The following CACNA1S variants were observed in gnomAD, a reference collection of about 807,000 sequenced individuals.
The protein encoded by CACNA1S is voltage-dependent L-type calcium channel subunit alpha-1S.
Under a neutral mutation model 207.4 loss-of-function variants are expected in CACNA1S, and 126 were observed. The observed-to-expected ratio is 0.61, with a 90% CI of 0.53 to 0.70. The LOEUF is 0.70. Ranked by LOEUF, CACNA1S falls within the 30% of genes least tolerant of loss-of-function variation. The probability of loss-of-function intolerance (pLI) is 0.00; values close to 1 mark genes in which losing one functional copy is unlikely to be tolerated. For missense variants in CACNA1S, 2,349 were observed against 2,422.8 expected (o/e 0.97, Z 0.64); for synonymous variants, 960 against 932.7 (o/e 1.03, Z -0.53).
Position 201,074,610 on chromosome 1 carries a change from G to A in CACNA1S, c.1959C>T (p.Leu653=), listed in dbSNP as rs1414491241. The part of the protein sequence containing the change: ...ILFVCGNYIL[L]NVFLAIAVDN... ...CCACGGCAATGGCCAGGAAGACATT[G>A]AGCAGGATGTCTGAGCGGGTTTAGC... The change falls in exon 14 of 44, where the codon CTC becomes CTT. Residue 653 remains leucine (L), a synonymous_variant. Transcript: ENST00000362061. The A allele has an allele frequency of 1.9e-6, 3 of 1,609,244 alleles. No homozygotes were observed. Among genetic ancestry groups the A allele is most frequent in the Admixed American group, 1.7e-5 (1 of 59,962 alleles).
intron 19 of CACNA1S, 152 bp downstream of exon 19, chr1:201,068,985 T>C (rs1052818922): frequency 1.4e-6 from 1 of 716,666 alleles, no homozygotes; most frequent in Non-Finnish European, 2.5e-6. Flanking sequence ...TCCAGATACT[T>C]GTGGGCCTGC....
rs946904077 is a variant in CACNA1S at position 201,044,329 on chromosome 1, C to T, written c.4796G>A (p.Arg1599Gln). ...VEAAMEEGIFRRTGGLFGQVD... is the reference protein window; with the variant it reads ...VEAAMEEGIFQRTGGLFGQVD... ...GGGGTGCTCCTGGCTCTCCCTCACC[C>T]GGAATATTCCCTCCTCCATCGCAGC... The change falls in exon 39 of 44, where the codon CGG becomes CAG. Residue 1599 changes from arginine to glutamine, a missense_variant and splice_region_variant. Coordinates refer to ENST00000362061, the MANE Select transcript of CACNA1S (RefSeq NM_000069.3). 3.3e-5 allele frequency: 53 copies of T among 1,613,200 alleles called. No homozygotes were observed. The highest frequency in any genetic ancestry group is 1.7e-4 in the Admixed American group (10 of 59,960).
intron 5 of CACNA1S, among the ~76,000 whole-genome samples, chr1:201,090,515 G>C (rs1400725504): frequency 6.6e-6 from 1 of 152,176 alleles, no homozygotes; most frequent in East Asian, 1.9e-4. Flanking sequence ...ATGAGGAGGT[G>C]AGTAGAGTCT....
chr1:201,060,966 T>C (rs1661025953), intron 25 of CACNA1S, 150 bp from the exon 26 acceptor site: 1 of 1,002,882 alleles, frequency 1.0e-6, no homozygotes, highest in East Asian at 2.4e-5. Flanking sequence ...AATAATCCTG[T>C]TGGGCTTTGG....
At chr1:201,094,085 C>T in intron 2 of CACNA1S, 64 bp from the exon 3 acceptor site, 2 of 1,605,480 alleles carry the variant, frequency 1.2e-6, no homozygotes, top group Admixed American at 1.7e-5. Flanking sequence ...TGCTCTCTTC[C>T]CTGCAGCCGT....
chr1:201,102,137 C>A (rs1662693982), intron 2 of CACNA1S, among the ~76,000 whole-genome samples: 1 of 152,182 alleles, frequency 6.6e-6, no homozygotes, highest in Non-Finnish European at 1.5e-5. Context: ...GTGCTGGATA[C>A]AGCACAGGGT....
intron 32 of CACNA1S, 87 bp from the exon 33 acceptor site, chr1:201,051,230 C>G: frequency 2.2e-6 from 3 of 1,353,122 alleles, no homozygotes; most frequent in South Asian, 2.3e-5. Flanking sequence ...AGGGTGTGGA[C>G]AGATGAGCAA....
chr1:201,060,825 CAT>C lies in CACNA1S; in HGVS notation c.3256-11_3256-10del, dbSNP rs764131476. On this transcript the variant is annotated splice_polypyrimidine_tract_variant and intron_variant, in intron 25 of 43. Coordinates refer to ENST00000362061, the MANE Select transcript of CACNA1S (RefSeq NM_000069.3). ...TACTGTACACATTGGCGCTGTGACA[CAT>C]ACAACAGGACAGGTCAGCACCAAGA... 1 of 1,614,158 alleles carries C rather than the reference CAT, an allele frequency of 6.2e-7. No individual in the cohort carries two copies. Among genetic ancestry groups the C allele is most frequent in the South Asian group, 1.1e-5 (1 of 91,082 alleles).
intron 42 of CACNA1S, 95 bp downstream of exon 42, chr1:201,040,526 GC>G: frequency 7.1e-7 from 1 of 1,410,662 alleles, no homozygotes; most frequent in Non-Finnish European, 1.0e-6. Flanking sequence ...TGGACACATT[GC>G]TGCCACAGCC....
intron 9 of CACNA1S, 137 bp downstream of exon 9, chr1:201,084,813 A>G: frequency 1.5e-6 from 1 of 682,944 alleles, no homozygotes; most frequent in South Asian, 1.7e-5. Flanking sequence ...AACTGGCCCT[A>G]TTTTCTTAAA....
rs868409473 is a variant in CACNA1S, at chr1:201,070,362, C to T, written c.2270G>A (p.Arg757Gln). ...CTGCAGCTCAGCCAGGGGACGTGGT[C>T]GGGGGCTCAGCGGGATCTCAGGCTC... Reference protein sequence around the residue: ...EDEPEIPLSPRPRPLAELQLK... With the variant: ...EDEPEIPLSPQPRPLAELQLK... Residue 757 changes from arginine to glutamine, a missense_variant, in exon 17 of 44, where the codon CGA (arginine) becomes CAA (glutamine). Arg to Gln is a conservative substitution (Grantham distance 43). Coordinates refer to ENST00000362061, the MANE Select transcript of CACNA1S (RefSeq NM_000069.3). The T allele has an allele frequency of 7.4e-6, 12 of 1,614,024 alleles. No individual in the cohort carries two copies. The highest frequency in any genetic ancestry group is 2.2e-5 in the East Asian group (1 of 44,878).
chr1:201,103,326 C>T (rs894089712), intron 2 of CACNA1S, among the ~76,000 whole-genome samples: 1 of 152,032 alleles, frequency 6.6e-6, no homozygotes, highest in African/African-American at 2.4e-5. Context: ...GTTTAGGAAG[C>T]TGCCAACCAG....
chr1:201,101,059 T>A (rs192160223), intron 2 of CACNA1S, among the ~76,000 whole-genome samples: 2 of 152,240 alleles, frequency 1.3e-5, no homozygotes, highest in African/African-American at 4.8e-5. Flanking sequence ...TATTTTAATG[T>A]CCTTTTAAAT....
Position 201,083,239 on chromosome 1 carries a change from A to C in CACNA1S, c.1316T>G (p.Ile439Ser), listed in dbSNP as rs1225109375. ...CAGGGTGTTGAGGGCAACGATGAGA[A>C]TCACCAGCCAATAGAAGACCTTGGA... ...VKSKVFYWLV[I>S]LIVALNTLSI... Residue 439 changes from isoleucine (I) to serine (S), a missense_variant, in exon 10 of 44, where the codon ATT (isoleucine) becomes AGT (serine). By Grantham distance (142) the Ile-to-Ser change is moderately radical. Coordinates refer to ENST00000362061, the MANE Select transcript of CACNA1S (RefSeq NM_000069.3). 1.9e-6 allele frequency: 3 copies of C among 1,614,096 alleles called. No homozygotes were observed. The African/African-American group carries it at 4.0e-5, about 22-fold the overall frequency.
rs1183235159 is a variant in CACNA1S, at chr1:201,066,220, C to T, written c.2745+9G>A. 6.2e-7 allele frequency: 1 copy of T among 1,613,374 alleles called. No homozygotes were observed. The highest frequency in any genetic ancestry group is 1.3e-5 in the African/African-American group (1 of 75,002). ...CCTCTCTGGGGCTCCTGCCCGGGCC[C>T]TCTCTCACCTTCAACCCCTTGGCTC... On this transcript the variant is annotated intron_variant, in intron 21 of 43. Coordinates refer to ENST00000362061, the MANE Select transcript of CACNA1S (RefSeq NM_000069.3). The surrounding 1 kb of genome is among the most constrained non-coding windows in gnomAD (Gnocchi z 4.3).
chr1:201,099,300 G>C (rs999220300), intron 2 of CACNA1S, among the ~76,000 whole-genome samples: 6 of 152,274 alleles, frequency 3.9e-5, no homozygotes, highest in South Asian at 2.1e-4. Flanking sequence ...AGGCTCCCAG[G>C]CTCCCCATGT....
At position 201,093,310 on chromosome 1, in the gene CACNA1S, C is replaced by T. The variant is rs529408064; in HGVS notation, c.398+572G>A. On this transcript the variant is annotated intron_variant, in intron 3 of 43. Coordinates refer to ENST00000362061, the MANE Select transcript of CACNA1S (RefSeq NM_000069.3). The stretch of plus-strand genomic sequence containing the variant: ...GGAACTCTGGACACACAAAGAGACA[C>T]CAAGGATGCACAGGCACAGAGGAGA... 9.2e-5 allele frequency among the ~76,000 whole-genome samples: 14 copies of T among 152,286 alleles called. No individual in the cohort carries two copies. In the East Asian group the frequency reaches 2.7e-3, roughly 29 times the overall value.
At chr1:201,087,665 C>T (rs773848756) in intron 7 of CACNA1S, among the ~76,000 whole-genome samples, 161 bp downstream of exon 7, 44 of 152,046 alleles carry the variant, frequency 2.9e-4, no homozygotes, top group Non-Finnish European at 3.1e-4. Flanking sequence ...CTCACAGCCC[C>T]CTGCCCTGCT....
Position 201,066,592 on chromosome 1 carries a change from C to T in CACNA1S, c.2658-276G>A, listed in dbSNP as rs1014135617. ...TAGAAGCTCCGTCCCTCCCGTCAGA[C>T]GGTGAGCACCCCAAAGGCAGGGGCT... On this transcript the variant is annotated intron_variant, in intron 20 of 43. Transcript: ENST00000362061. This position sits in a 1 kb window ranked among gnomAD's most constrained non-coding sequence, Gnocchi z 4.3. 3.3e-5 allele frequency among the ~76,000 whole-genome samples: 5 copies of T among 152,190 alleles called. No homozygotes were observed. The highest frequency in any genetic ancestry group is 9.6e-5 in the African/African-American group (4 of 41,466).
Sources: gnomAD v4.1 joint callset for allele counts (sites outside exome capture counted in the v4.1 genomes callset) on GRCh38, gnomAD v4.1.1 for gene constraint, Gnocchi (gnomAD v3.1) non-coding constraint, MANE v1.5 for transcripts, NCBI Gene and HGNC (gene_info 2026-07-23, HGNC 2026-07-21) for gene names.